The following GPR39 variants were observed in gnomAD, a reference collection of about 807,000 sequenced individuals.
The protein encoded by GPR39 is zinc sensing receptor.
In GPR39, 23 loss-of-function variants were observed where a neutral mutation model predicts 18.4. The ratio of observed to expected loss-of-function variants is 1.25; its 90% confidence interval spans 0.90 to 1.77. GPR39 has a LOEUF of 1.77. Among genes scored for constraint, GPR39 ranks in the 40% most tolerant of loss-of-function variants. GPR39 has a pLI of 0.00. For synonymous variants in GPR39, 280 were observed against 257.9 expected (o/e 1.09, Z -0.82); for missense variants, 647 against 602.4 (o/e 1.07, Z -0.78).
At chr2:132,457,376 C>T (rs148136146) in intron 1 of GPR39, among the ~76,000 whole-genome samples, 103 of 152,270 alleles carry the variant, frequency 6.8e-4, no homozygotes, top group African/African-American at 2.1e-3. Context: ...AGTTAACCAT[C>T]GTCTAATCTT....
intron 1 of GPR39, among the ~76,000 whole-genome samples, chr2:132,477,169 G>A (rs1424705076): frequency 6.6e-6 from 1 of 152,182 alleles, no homozygotes; most frequent in Admixed American, 6.5e-5. Flanking sequence ...TAAACATTTT[G>A]AAAAATTGTA....
intron 1 of GPR39, among the ~76,000 whole-genome samples, chr2:132,624,628 C>A (rs1055272654): frequency 5.3e-5 from 8 of 152,306 alleles, no homozygotes; most frequent in African/African-American, 1.9e-4. Context: ...ACTTCTAACA[C>A]CATACCTTAG....
intron 1 of GPR39, among the ~76,000 whole-genome samples, chr2:132,563,983 T>A (rs2104806355): frequency 6.6e-6 from 1 of 152,256 alleles, no homozygotes. Flanking sequence ...TGTTCAGTGG[T>A]TCAAACGTAC....
intron 1 of GPR39, among the ~76,000 whole-genome samples, chr2:132,506,245 G>C (rs1398502566): frequency 6.6e-6 from 1 of 151,756 alleles, no homozygotes; most frequent in African/African-American, 2.4e-5. Flanking sequence ...TTTTTAATGG[G>C]GTTGTTTGTT....
intron 1 of GPR39, among the ~76,000 whole-genome samples, chr2:132,531,438 A>C (rs1172889307): frequency 6.6e-6 from 1 of 152,248 alleles, no homozygotes; most frequent in Non-Finnish European, 1.5e-5. Flanking sequence ...AACATTAGAC[A>C]GATCAACGAG....
intron 1 of GPR39, among the ~76,000 whole-genome samples, chr2:132,419,237 A>G (rs1223313176): frequency 6.6e-6 from 1 of 152,188 alleles, no homozygotes; most frequent in East Asian, 1.9e-4. Context: ...TCTGCACAAA[A>G]TGAGAATATT....
At chr2:132,508,959 T>A (rs1165091649) in intron 1 of GPR39, among the ~76,000 whole-genome samples, 1 of 152,166 alleles carries the variant, frequency 6.6e-6, no homozygotes, top group Non-Finnish European at 1.5e-5. Context: ...TGCAAGCTCT[T>A]TGGTCTCCCA....
intron 1 of GPR39, among the ~76,000 whole-genome samples, chr2:132,476,872 G>A (rs973078842): frequency 6.6e-6 from 1 of 152,106 alleles, no homozygotes; most frequent in Non-Finnish European, 1.5e-5. Context: ...GGAAAGGTTG[G>A]CTCTGCCAAT....
intron 1 of GPR39, among the ~76,000 whole-genome samples, chr2:132,428,184 T>G (rs186707326): frequency 4.6e-5 from 7 of 152,132 alleles, no homozygotes; most frequent in Admixed American, 3.9e-4. Context: ...CAAGCTGACT[T>G]CCTCCAAGAA....
chr2:132,496,317 T>C (rs73001223), intron 1 of GPR39, among the ~76,000 whole-genome samples: 195 of 152,312 alleles, frequency 1.3e-3, no homozygotes, highest in African/African-American at 4.5e-3. Flanking sequence ...GTATCATAAA[T>C]TTCCTATATG....
In GPR39 at chr2:132,417,604, G is replaced by T; in HGVS notation, c.562G>T (p.Gly188Cys). The change falls in exon 1 of 2, where the codon GGT becomes TGT. Residue 188 changes from glycine (G) to cysteine (C), a missense_variant. Physicochemically the swap from Gly to Cys is radical, Grantham distance 159. This residue lies in a region of GPR39 where 581 missense variants were observed against 506.8 expected (regional missense o/e 1.15). Coordinates refer to ENST00000329321, the MANE Select transcript of GPR39 (RefSeq NM_001508.3). ...YPLVNVPSHR[G>C]LTCNRSSTRH... ...CCTGGTGAACGTGCCCAGCCACCGGGGTCTCACTTGCAACCGCTCCAGCAC... is the reference window on the plus strand; with the variant it reads ...CCTGGTGAACGTGCCCAGCCACCGGTGTCTCACTTGCAACCGCTCCAGCAC... The T allele has an allele frequency of 1.2e-6, 2 of 1,614,020 alleles. No individual in the cohort carries two copies. The highest frequency in any genetic ancestry group is 8.5e-7 in the Non-Finnish European group (1 of 1,179,996).
intron 1 of GPR39, among the ~76,000 whole-genome samples, chr2:132,588,621 G>A (rs1680772508): frequency 1.3e-5 from 2 of 152,150 alleles, no homozygotes; most frequent in Admixed American, 1.3e-4. Context: ...CTTCCTTGAA[G>A]CATGGTGGCA....
chr2:132,533,083 A>C (rs916973383), intron 1 of GPR39, among the ~76,000 whole-genome samples: 1 of 152,166 alleles, frequency 6.6e-6, no homozygotes, highest in South Asian at 2.1e-4. Flanking sequence ...ACATGATTGT[A>C]TATCTAGAAA....
At chr2:132,511,749 A>G (rs1316284449) in intron 1 of GPR39, among the ~76,000 whole-genome samples, 1 of 152,230 alleles carries the variant, frequency 6.6e-6, no homozygotes, top group Non-Finnish European at 1.5e-5. Context: ...ATTATTGATT[A>G]AGCATTTATT....
intron 1 of GPR39, among the ~76,000 whole-genome samples, chr2:132,599,780 TCAG>T (rs1415492556): frequency 6.6e-6 from 1 of 152,152 alleles, no homozygotes; most frequent in African/African-American, 2.4e-5. Flanking sequence ...TCATGGCGTG[TCAG>T]CAGACCATTC....
chr2:132,448,357 A>G (rs1573606987), intron 1 of GPR39, among the ~76,000 whole-genome samples: 1 of 152,352 alleles, frequency 6.6e-6, no homozygotes, highest in South Asian at 2.1e-4. Flanking sequence ...GATGGCTAGA[A>G]AACAAAACAC....
At chr2:132,501,218 G>A (rs1488598181) in intron 1 of GPR39, among the ~76,000 whole-genome samples, 1 of 151,470 alleles carries the variant, frequency 6.6e-6, no homozygotes, top group Non-Finnish European at 1.5e-5. Flanking sequence ...TTTGATGTAG[G>A]CATTTAATGC....
intron 1 of GPR39, among the ~76,000 whole-genome samples, chr2:132,600,190 T>A (rs998751924): frequency 1.3e-5 from 2 of 152,160 alleles, no homozygotes; most frequent in Admixed American, 1.3e-4. Flanking sequence ...ATCAAAACAT[T>A]TCTCGTAATG....
intron 1 of GPR39, among the ~76,000 whole-genome samples, chr2:132,626,756 ACCTC>A (rs1208367758): frequency 1.3e-5 from 2 of 150,588 alleles, no homozygotes; most frequent in Non-Finnish European, 3.0e-5. Context: ...AGGCTGAACA[ACCTC>A]CCCGCAGGCC....
Sources: gnomAD v4.1 joint callset for allele counts (sites outside exome capture counted in the v4.1 genomes callset) on GRCh38, gnomAD v4.1.1 for gene constraint, gnomAD v4.1.1 regional missense constraint, MANE v1.5 for transcripts, NCBI Gene and HGNC (gene_info 2026-07-23, HGNC 2026-07-21) for gene names.